Variants in ARK2C observed in about 807,000 individuals in gnomAD.
ARK2C encodes E3 ubiquitin-protein ligase ARK2C.
the ARK2C span, chr18:46,433,208 C>A: frequency 6.3e-7 from 1 of 1,593,662 alleles, no homozygotes; most frequent in Non-Finnish European, 8.5e-7. Context: ...TTTCAAAGGT[C>A]TCAGCATCCT....
chr18:46,377,346 A>G, the ARK2C span, among the ~76,000 whole-genome samples: 3 of 152,220 alleles, frequency 2.0e-5, no homozygotes, highest in Non-Finnish European at 2.9e-5. Context: ...GCTATATGCC[A>G]GGAATTGGTC....
At chr18:46,367,111 T>C in the ARK2C span, among the ~76,000 whole-genome samples, 1 of 152,190 alleles carries the variant, frequency 6.6e-6, no homozygotes, top group South Asian at 2.1e-4. Context: ...GAAAGGCTCC[T>C]ACCGGCTGCC....
chr18:46,457,578 A>G, the ARK2C span: 1 of 152,856 alleles, frequency 6.5e-6, no homozygotes, highest in Non-Finnish European at 1.5e-5. Context: ...CCCCAGTTCC[A>G]CACTAAACCA....
the ARK2C span, among the ~76,000 whole-genome samples, chr18:46,431,828 G>A: frequency 6.6e-6 from 1 of 152,328 alleles, no homozygotes; most frequent in South Asian, 2.1e-4. Flanking sequence ...GCCTTCCAAA[G>A]TAGCCACTGC....
chr18:46,452,680 C>T, the ARK2C span, among the ~76,000 whole-genome samples: 1 of 151,884 alleles, frequency 6.6e-6, no homozygotes, highest in African/African-American at 2.4e-5. Context: ...AACATTCATC[C>T]TTCCCAGGGG....
the ARK2C span, among the ~76,000 whole-genome samples, chr18:46,420,111 G>A: frequency 1.3e-5 from 2 of 152,152 alleles, no homozygotes; most frequent in African/African-American, 4.8e-5. Flanking sequence ...GCGTGTGGAG[G>A]TCAACTCCCA....
the ARK2C span, among the ~76,000 whole-genome samples, chr18:46,453,580 G>A: frequency 6.6e-6 from 1 of 151,846 alleles, no homozygotes. Flanking sequence ...AATGACAAAA[G>A]TTAGGACCCA....
At chr18:46,364,831 C>T in the ARK2C span, among the ~76,000 whole-genome samples, 2 of 152,190 alleles carry the variant, frequency 1.3e-5, no homozygotes, top group African/African-American at 4.8e-5. Context: ...CTCTGGGCTC[C>T]TGCTCTCTGG....
At chr18:46,447,982 C>T in the ARK2C span, among the ~76,000 whole-genome samples, 13 of 150,966 alleles carry the variant, frequency 8.6e-5, no homozygotes, top group Non-Finnish European at 1.0e-4. Context: ...TCCCCTGTGC[C>T]CTGGCCCCCT....
At chr18:46,419,146 G>C in the ARK2C span, among the ~76,000 whole-genome samples, 4 of 152,194 alleles carry the variant, frequency 2.6e-5, no homozygotes, top group African/African-American at 9.7e-5. Flanking sequence ...GCCCTTGGGT[G>C]GCCTGTTGCT....
chr18:46,427,881 G>C, the ARK2C span, among the ~76,000 whole-genome samples: 1 of 152,214 alleles, frequency 6.6e-6, no homozygotes, highest in Non-Finnish European at 1.5e-5. Context: ...GGCAACCCTG[G>C]GGCTGGTGGG....
chr18:46,362,446 G>A, the ARK2C span, among the ~76,000 whole-genome samples: 281 of 152,234 alleles, frequency 1.8e-3, no homozygotes, highest in African/African-American at 6.4e-3. Context: ...GTGTGTGCGC[G>A]CCCCAAGGGG....
the ARK2C span, among the ~76,000 whole-genome samples, chr18:46,444,642 T>C: frequency 6.6e-6 from 1 of 152,040 alleles, no homozygotes; most frequent in Middle Eastern, 3.4e-3. Context: ...TTAAACATTT[T>C]TTTTTTTTTT....
At chr18:46,397,075 G>C in the ARK2C span, among the ~76,000 whole-genome samples, 12 of 152,350 alleles carry the variant, frequency 7.9e-5, no homozygotes, top group East Asian at 2.3e-3. Flanking sequence ...GAGTCCGTGA[G>C]GTTGGCTTCC....
the ARK2C span, among the ~76,000 whole-genome samples, chr18:46,431,305 CTGTTCA>C: frequency 2.6e-5 from 4 of 152,184 alleles, no homozygotes; most frequent in East Asian, 7.7e-4. Context: ...CTTAGGCTCT[CTGTTCA>C]TGCCAAAGAG....
At chr18:46,334,405 G>A in the ARK2C span, 3 of 1,403,408 alleles carry the variant, frequency 2.1e-6, no homozygotes, top group Non-Finnish European at 9.6e-7. This position sits in a 1 kb window ranked among gnomAD's most constrained non-coding sequence, Gnocchi z 4.4. Flanking sequence ...GGGGGCGGGC[G>A]CCGCGGGCGG....
chr18:46,402,415 T>C, the ARK2C span, among the ~76,000 whole-genome samples: 5 of 152,368 alleles, frequency 3.3e-5, no homozygotes, highest in South Asian at 1.0e-3. Flanking sequence ...AATGAACATA[T>C]TTTTGATGTA....
the ARK2C span, among the ~76,000 whole-genome samples, chr18:46,439,623 G>A: frequency 6.6e-6 from 1 of 152,094 alleles, no homozygotes; most frequent in African/African-American, 2.4e-5. Context: ...CATGCTTTTG[G>A]TATTTCTGAA....
the ARK2C span, among the ~76,000 whole-genome samples, chr18:46,411,382 G>A: frequency 6.6e-6 from 1 of 152,222 alleles, no homozygotes; most frequent in South Asian, 2.1e-4. Flanking sequence ...CTGACACTAT[G>A]TGACTATCCT....
Sources: gnomAD v4.1 joint callset for allele counts (sites outside exome capture counted in the v4.1 genomes callset) on GRCh38, gnomAD v4.1.1 for gene constraint, Gnocchi (gnomAD v3.1) non-coding constraint, MANE v1.5 for transcripts, NCBI Gene and HGNC (gene_info 2026-07-23, HGNC 2026-07-21) for gene names.